NFIB: variants seen among roughly 807,000 people sequenced by gnomAD.
The protein encoded by NFIB is nuclear factor 1 B-type.
In NFIB, 11 loss-of-function variants were observed where a neutral mutation model predicts 61.5. That is an observed-to-expected ratio of 0.18 (90% CI 0.11 to 0.30). The LOEUF (loss-of-function observed/expected upper bound fraction) is 0.30. Among genes scored for constraint, NFIB ranks in the 10% least tolerant of loss-of-function variants. NFIB has a pLI of 1.00. For missense variants in NFIB, 471 were observed against 608.9 expected (o/e 0.77, Z 2.38); for synonymous variants, 260 against 216.5 (o/e 1.20, Z -1.76).
At chr9:14,152,318 T>C (rs759785608) in intron 4 of NFIB, among the ~76,000 whole-genome samples, 3 of 152,068 alleles carry the variant, frequency 2.0e-5, no homozygotes, top group Admixed American at 6.6e-5. Flanking sequence ...AGCTAAAATG[T>C]AGCTATGTCT....
chr9:14,260,587 C>T (rs927370876), intron 2 of NFIB, among the ~76,000 whole-genome samples: 15 of 152,280 alleles, frequency 9.9e-5, no homozygotes, highest in African/African-American at 3.6e-4. Flanking sequence ...CCATGGAAGA[C>T]AGCCATTTAG....
At chr9:14,209,190 T>C (rs1346787905) in intron 2 of NFIB, among the ~76,000 whole-genome samples, 1 of 152,246 alleles carries the variant, frequency 6.6e-6, no homozygotes, top group Non-Finnish European at 1.5e-5. Context: ...TTTTAATTCA[T>C]TTTTATGACA....
intron 1 of NFIB, among the ~76,000 whole-genome samples, chr9:14,327,799 C>T (rs925201101): frequency 2.0e-5 from 3 of 152,124 alleles, no homozygotes; most frequent in Admixed American, 2.0e-4. Context: ...CTTCTCATCC[C>T]ACTTCATCCA....
chr9:14,481,208 T>TATATATATATATAC, the NFIB span, among the ~76,000 whole-genome samples: 1 of 65,014 alleles, frequency 1.5e-5, no homozygotes, highest in Non-Finnish European at 3.1e-5. Flanking sequence ...TATATATATA[T>TATATATATATATAC]ATATATATAT....
In NFIB at chr9:14,084,160, C is replaced by T. The variant is rs114243359; in HGVS notation, c.*4149G>A. The T allele has an allele frequency of 9.9e-6, 2 of 201,710 alleles. No individual in the cohort carries two copies. The highest frequency in any genetic ancestry group is 1.9e-4 in the South Asian group (1 of 5,252). 12.5% of individuals were successfully genotyped at this position (201,710 alleles called of 1,614,324 possible). A position where few individuals can be genotyped will look rare whatever the true frequency, so the allele number is the denominator to read the frequency against. ...GACAGATTTTCTTTTTAATACATAA[C>T]TTAAGAGACTGGAGAGTTTTAACTC... On this transcript the variant is annotated 3_prime_UTR_variant, in exon 11 of 11. Transcript: ENST00000380953.
At chr9:14,530,552 T>G in the NFIB span, among the ~76,000 whole-genome samples, 1 of 151,938 alleles carries the variant, frequency 6.6e-6, no homozygotes, top group East Asian at 1.9e-4. Context: ...CGAGAAAGGG[T>G]GCAGAGAAGG....
the NFIB span, among the ~76,000 whole-genome samples, chr9:14,456,567 C>T: frequency 2.0e-5 from 3 of 152,088 alleles, no homozygotes; most frequent in Non-Finnish European, 4.4e-5. Context: ...TATTAATTGG[C>T]TCTTATTCAT....
At chr9:14,281,207 T>A (rs1409512269) in intron 2 of NFIB, among the ~76,000 whole-genome samples, 2 of 152,190 alleles carry the variant, frequency 1.3e-5, no homozygotes, top group South Asian at 2.1e-4. Flanking sequence ...CCCATAATTA[T>A]CCAATTAAAC....
At chr9:14,381,732 G>T (rs1348549477) in intron 1 of NFIB, among the ~76,000 whole-genome samples, 1 of 152,216 alleles carries the variant, frequency 6.6e-6, no homozygotes, top group Non-Finnish European at 1.5e-5. Flanking sequence ...CATCAGGCAA[G>T]AACAGTATCT....
chr9:14,531,906 T>G, the NFIB span: 1 of 151,822 alleles, frequency 6.6e-6, no homozygotes, highest in Admixed American at 6.6e-5. Context: ...GGAGGGAAGT[T>G]TTGGGGGTGG....
the NFIB span, among the ~76,000 whole-genome samples, chr9:14,406,526 G>T: frequency 5.3e-5 from 8 of 152,188 alleles, no homozygotes; most frequent in African/African-American, 1.9e-4. Context: ...TTCTTGGGGA[G>T]TGTGTGATTG....
the NFIB span, among the ~76,000 whole-genome samples, chr9:14,520,489 A>T: frequency 6.6e-6 from 1 of 152,230 alleles, no homozygotes; most frequent in African/African-American, 2.4e-5. Context: ...GAAACACCTC[A>T]GTGGAATGTT....
At chr9:14,128,435 C>T (rs2039968243) in intron 6 of NFIB, among the ~76,000 whole-genome samples, 1 of 152,078 alleles carries the variant, frequency 6.6e-6, no homozygotes, top group African/African-American at 2.4e-5. Flanking sequence ...CAGTGGCTCA[C>T]GCCTGTAATC....
At chr9:14,194,968 T>C (rs1164094064) in intron 2 of NFIB, among the ~76,000 whole-genome samples, 1 of 152,076 alleles carries the variant, frequency 6.6e-6, no homozygotes, top group Admixed American at 6.5e-5. Flanking sequence ...TCTCTCTCTC[T>C]CTTTCACAAA....
intron 6 of NFIB, among the ~76,000 whole-genome samples, chr9:14,136,578 A>C (rs2041072837): frequency 6.6e-6 from 1 of 152,176 alleles, no homozygotes. Flanking sequence ...TTTATGCTAC[A>C]AGACATCTCA....
chr9:14,176,569 A>T (rs1001377064), intron 3 of NFIB, among the ~76,000 whole-genome samples: 3 of 152,176 alleles, frequency 2.0e-5, no homozygotes, highest in African/African-American at 7.2e-5. Context: ...AATTACTTAA[A>T]TATTTTATAA....
chr9:14,497,840 G>A, the NFIB span, among the ~76,000 whole-genome samples: 3 of 152,172 alleles, frequency 2.0e-5, no homozygotes, highest in African/African-American at 4.8e-5. Context: ...GATTGGCTGA[G>A]TAAAGGACTT....
rs2058906379 is a variant in NFIB, at chr9:14,289,088, G to GTGTC, written c.562+17900_562+17901insGACA. On this transcript the variant is annotated intron_variant, in intron 2 of 10. Transcript: ENST00000380953. ...TCATTAGATTTTCCAAAGCGTGTGT[G>GTGTC]TGTGTGTGTGTGTGTGTATGTGTGT... is the stretch of plus-strand genomic sequence containing the variant. Among the ~76,000 whole-genome samples the GTGTC allele has an allele frequency of 3.4e-5, 5 of 146,800 alleles. No individual in the cohort carries two copies. The South Asian group carries it at 1.1e-3, about 31-fold the overall frequency.
rs147621172 is a variant in NFIB, at chr9:14,171,840, A to G, written c.616+7887T>C. Among the ~76,000 whole-genome samples, 55 of 152,332 alleles carry G rather than the reference A, an allele frequency of 3.6e-4. 1 individual carries two copies. In the East Asian group the frequency reaches 0.011, roughly 29 times the overall value. Reference sequence around the variant, plus strand: ...ACATAGGTCTAAATCATTAGGAGAGAGAGGTATTTCAAAGGTAAACATCTA... The same window carrying G: ...ACATAGGTCTAAATCATTAGGAGAGGGAGGTATTTCAAAGGTAAACATCTA... On this transcript the variant is annotated intron_variant, in intron 3 of 10. Transcript: ENST00000380953.
Sources: gnomAD v4.1 joint callset for allele counts (sites outside exome capture counted in the v4.1 genomes callset) on GRCh38, gnomAD v4.1.1 for gene constraint, MANE v1.5 for transcripts, NCBI Gene and HGNC (gene_info 2026-07-23, HGNC 2026-07-21) for gene names.